PIK3C2A: variants seen among roughly 807,000 people sequenced by gnomAD.
The protein encoded by PIK3C2A is phosphatidylinositol 4-phosphate 3-kinase C2 domain-containing subunit alpha.
Under a neutral mutation model 204.5 loss-of-function variants are expected in PIK3C2A, and 97 were observed. The observed-to-expected ratio is 0.47, with a 90% CI of 0.40 to 0.56. The LOEUF (loss-of-function observed/expected upper bound fraction) is 0.56. PIK3C2A is among the 20% of genes least tolerant of loss of function. The pLI, the probability that PIK3C2A is intolerant of heterozygous loss-of-function variation, is 0.00. For missense variants in PIK3C2A, 1,735 were observed against 1,969.2 expected (o/e 0.88, Z 2.25); for synonymous variants, 653 against 664.4 (o/e 0.98, Z 0.26).
At chr11:17,166,194 C>G (rs925187338) in intron 2 of PIK3C2A, among the ~76,000 whole-genome samples, 3 of 152,032 alleles carry the variant, frequency 2.0e-5, no homozygotes, top group African/African-American at 7.2e-5. Context: ...GGGTCATACT[C>G]TGGCCTCATA....
In PIK3C2A at chr11:17,093,647, T is replaced by G. The variant is rs1482611969; in HGVS notation, c.4451+614A>C. Among the ~76,000 whole-genome samples the G allele has an allele frequency of 1.4e-3, 188 of 133,278 alleles. 1 individual carries two copies. The highest frequency in any genetic ancestry group is 5.8e-3 in the East Asian group (25 of 4,334). The allele number at this position is 133,278 out of a possible 152,430, so 87.4% of individuals were successfully genotyped here. On this transcript the variant is annotated intron_variant, in intron 28 of 32. Coordinates refer to ENST00000691414, the MANE Select transcript of PIK3C2A (RefSeq NM_002645.4). Reference sequence around the variant, plus strand: ...CTGATTTAGCATATGACTTTTTTTTTGGGGGGGGGGGACAGGGTCTCATTC... The same window carrying G: ...CTGATTTAGCATATGACTTTTTTTTGGGGGGGGGGGGACAGGGTCTCATTC...
chr11:17,146,424 C>T (rs1407406333), intron 6 of PIK3C2A, among the ~76,000 whole-genome samples: 1 of 152,062 alleles, frequency 6.6e-6, no homozygotes, highest in Non-Finnish European at 1.5e-5. Flanking sequence ...TCAAGAACAT[C>T]ATTCCTGACA....
At chr11:17,147,386 C>A in intron 6 of PIK3C2A, 131 bp downstream of exon 6, 2 of 599,316 alleles carry the variant, frequency 3.3e-6, no homozygotes, top group South Asian at 2.2e-5. Context: ...TAAGAAGATT[C>A]CTGTTGAGGA....
chr11:17,114,999 G>A (rs1849132850), intron 19 of PIK3C2A, among the ~76,000 whole-genome samples: 1 of 152,068 alleles, frequency 6.6e-6, no homozygotes, highest in African/African-American at 2.4e-5. Context: ...AGAGAAAACA[G>A]GTAAACAATG....
rs1848332685 is a variant in PIK3C2A at position 17,092,291 on chromosome 11, C to T, written c.4452-15G>A. On this transcript the variant is annotated splice_polypyrimidine_tract_variant and intron_variant, in intron 28 of 32. Transcript: ENST00000691414. ...TATTAGGAAAGCTACAAAAGAAAAA[C>T]AAAAACAAGTGGGATTTAAATAAGT... 13 of 1,135,360 alleles carry T rather than the reference C, an allele frequency of 1.1e-5. No individual in the cohort carries two copies. In the East Asian group the frequency reaches 3.0e-4, roughly 27 times the overall value. 70.3% of individuals were successfully genotyped at this position (1,135,360 alleles called of 1,614,324 possible).
rs571877199 is a variant in PIK3C2A at position 17,107,088 on chromosome 11, C to T, written c.3545-1783G>A. On this transcript the variant is annotated intron_variant, in intron 22 of 32. Transcript: ENST00000691414. ...CAGCACTTTGGGAGGCCGAGGCGGGCAGATCACAAGGTCAGGAGATCGAGA... is the reference window on the plus strand; with the variant it reads ...CAGCACTTTGGGAGGCCGAGGCGGGTAGATCACAAGGTCAGGAGATCGAGA... Among the ~76,000 whole-genome samples the T allele has an allele frequency of 3.3e-5, 5 of 152,178 alleles. No individual in the cohort carries two copies. In the South Asian group the frequency reaches 1.0e-3, roughly 32 times the overall value.
At position 17,088,706 on chromosome 11, in the gene PIK3C2A, T is replaced by C. The variant is rs1392787781; in HGVS notation, c.*1032A>G. ...ACTGGTCTACACAGACAAAGGTCTATATTAAAGTTCAATCTGGACCCTAGA... is the reference window on the plus strand; with the variant it reads ...ACTGGTCTACACAGACAAAGGTCTACATTAAAGTTCAATCTGGACCCTAGA... On this transcript the variant is annotated 3_prime_UTR_variant, in exon 33 of 33. Transcript: ENST00000691414. The C allele has an allele frequency of 6.6e-6, 1 of 152,258 alleles. No homozygotes were observed. The highest frequency in any genetic ancestry group is 1.5e-5 in the Non-Finnish European group (1 of 68,054). 9.4% of individuals were successfully genotyped at this position (152,258 alleles called of 1,614,324 possible).
intron 1 of PIK3C2A, among the ~76,000 whole-genome samples, chr11:17,174,997 T>C (rs546375149): frequency 3.3e-4 from 51 of 152,310 alleles, no homozygotes; most frequent in Non-Finnish European, 6.8e-4. Context: ...ATAATGCCAA[T>C]TTGTTATTTA....
At chr11:17,160,564 T>C (rs1374806129) in intron 2 of PIK3C2A, among the ~76,000 whole-genome samples, 2 of 152,180 alleles carry the variant, frequency 1.3e-5, no homozygotes, top group Non-Finnish European at 2.9e-5. Context: ...GTGTGGTAGC[T>C]CATATCTGTA....
chr11:17,093,045 A>T (rs1848353947), intron 28 of PIK3C2A, among the ~76,000 whole-genome samples: 1 of 152,194 alleles, frequency 6.6e-6, no homozygotes, highest in African/African-American at 2.4e-5. Context: ...GATAATCTTA[A>T]TTCCACTTAT....
intron 19 of PIK3C2A, among the ~76,000 whole-genome samples, chr11:17,117,129 T>G (rs1849220243): frequency 6.6e-6 from 1 of 152,194 alleles, no homozygotes; most frequent in Non-Finnish European, 1.5e-5. Flanking sequence ...GTATCCATAT[T>G]GACAGAAAAC....
At chr11:17,197,026 C>T (rs1387817328) in intron 1 of PIK3C2A, among the ~76,000 whole-genome samples, 7 of 151,928 alleles carry the variant, frequency 4.6e-5, no homozygotes, top group East Asian at 1.9e-4. Context: ...TGGCCAGGCA[C>T]GGGGCCTCAC....
chr11:17,106,426 T>TA (rs1848820716), intron 22 of PIK3C2A, among the ~76,000 whole-genome samples: 1 of 151,526 alleles, frequency 6.6e-6, no homozygotes, highest in Non-Finnish European at 1.5e-5. Flanking sequence ...AAATAAAAAA[T>TA]AAAAAAAATC....
chr11:17,133,457 A>G (rs920796460), intron 11 of PIK3C2A, among the ~76,000 whole-genome samples: 1 of 152,222 alleles, frequency 6.6e-6, no homozygotes, highest in Non-Finnish European at 1.5e-5. Context: ...TTTATTGAAT[A>G]AATTAAAACA....
chr11:17,104,641 C>T (rs1007670809), intron 23 of PIK3C2A, among the ~76,000 whole-genome samples: 20 of 147,380 alleles, frequency 1.4e-4, no homozygotes, highest in Non-Finnish European at 2.4e-4. Flanking sequence ...AGGAGAATGG[C>T]GTGAACCCAG....
intron 19 of PIK3C2A, chr11:17,115,747 G>GT (rs1336803994): frequency 6.6e-6 from 1 of 152,008 alleles, no homozygotes; most frequent in Non-Finnish European, 1.5e-5. Flanking sequence ...TAGTATATGT[G>GT]TTACCGAAGC....
intron 19 of PIK3C2A, among the ~76,000 whole-genome samples, chr11:17,115,958 TACA>T (rs1849172029): frequency 6.6e-6 from 1 of 152,154 alleles, no homozygotes; most frequent in African/African-American, 2.4e-5. Context: ...AACACAGGTG[TACA>T]TCTTTATGGC....
intron 13 of PIK3C2A, among the ~76,000 whole-genome samples, chr11:17,124,216 C>A (rs1474941120): frequency 2.6e-5 from 4 of 152,076 alleles, no homozygotes; most frequent in Admixed American, 6.6e-5. Context: ...AGACTTAAGG[C>A]AAATCCTGAT....
chr11:17,110,758 T>C (rs1323089640), intron 21 of PIK3C2A, among the ~76,000 whole-genome samples, 197 bp from the exon 22 acceptor site: 2 of 152,088 alleles, frequency 1.3e-5, no homozygotes, highest in African/African-American at 4.8e-5. Flanking sequence ...CTGGGCATGG[T>C]TGCACACACC....
Sources: allele counts gnomAD v4.1 joint callset (sites outside exome capture counted in the v4.1 genomes callset), GRCh38; gene constraint gnomAD v4.1.1; transcripts MANE v1.5; gene names NCBI Gene and HGNC (gene_info 2026-07-23, HGNC 2026-07-21).